RIN2: variants seen among roughly 807,000 people sequenced by gnomAD.
RIN2 encodes the protein RAB5 interacting protein 2.
A neutral mutation model predicts 78.0 loss-of-function variants in RIN2; 36 were observed. The ratio of observed to expected loss-of-function variants is 0.46; its 90% CI spans 0.35 to 0.61. RIN2 has a LOEUF of 0.61. RIN2 is among the 20% of genes least tolerant of loss of function. The pLI, the probability that RIN2 is intolerant of heterozygous loss-of-function variation, is 0.00. For missense variants in RIN2, 1,087 were observed against 1,159.7 expected (o/e 0.94, Z 0.91); for synonymous variants, 466 against 466.8 (o/e 1.00, Z 0.02).
chr20:19,886,621 T>C, intron 2 of RIN2: 1 of 824,588 alleles, frequency 1.2e-6, no homozygotes, highest in African/African-American at 1.9e-5. Flanking sequence ...TCTTTTTTTT[T>C]TTTTTTTTTT....
At chr20:19,930,309 G>A (rs2040392110) in intron 3 of RIN2, among the ~76,000 whole-genome samples, 1 of 152,210 alleles carries the variant, frequency 6.6e-6, no homozygotes, top group Non-Finnish European at 1.5e-5. Flanking sequence ...TGGCATGGGA[G>A]TGCCGCTAAG....
chr20:19,823,861 A>G (rs2036001288), intron 2 of RIN2: 2 of 1,605,984 alleles, frequency 1.2e-6, no homozygotes, highest in Admixed American at 1.7e-5. Flanking sequence ...CTTGGGGGCC[A>G]GGGCAGAAGT....
chr20:19,822,594 A>G (rs545911113), intron 2 of RIN2, among the ~76,000 whole-genome samples: 2 of 152,300 alleles, frequency 1.3e-5, no homozygotes, highest in East Asian at 3.9e-4. Flanking sequence ...TCTGCTAATG[A>G]CACCTATTCT....
At position 19,866,417 on chromosome 20, in the gene RIN2, A is replaced by C. The variant is rs545872270; in HGVS notation, c.-36-23149A>C. Among the ~76,000 whole-genome samples the C allele has an allele frequency of 7.9e-5, 12 of 152,302 alleles. No individual in the cohort carries two copies. In the South Asian group the frequency reaches 2.5e-3, roughly 32 times the overall value. ...AAGTTCAGAATTCTTGTAACCTCTG[A>C]AAAGAAAAAGGATATATGATAGACA... is the stretch of plus-strand genomic sequence containing the variant. On this transcript the variant is annotated intron_variant, in intron 2 of 12. Transcript: ENST00000255006.
intron 2 of RIN2, among the ~76,000 whole-genome samples, chr20:19,820,092 A>G (rs2035883951): frequency 6.6e-6 from 1 of 152,206 alleles, no homozygotes. Context: ...GCTCAAACAG[A>G]CAACTCAAAA....
chr20:19,961,383 T>C (rs1600956534), intron 6 of RIN2, among the ~76,000 whole-genome samples: 1 of 152,256 alleles, frequency 6.6e-6, no homozygotes, highest in South Asian at 2.1e-4. Context: ...TGTTCCACGA[T>C]TGGTCATTGG....
At chr20:19,863,876 C>T (rs1467336612) in intron 2 of RIN2, among the ~76,000 whole-genome samples, 2 of 152,080 alleles carry the variant, frequency 1.3e-5, no homozygotes, top group East Asian at 3.9e-4. Context: ...CTGTGTTCAT[C>T]TTCACACTGC....
intron 3 of RIN2, among the ~76,000 whole-genome samples, chr20:19,922,775 A>T (rs2039979008): frequency 6.6e-6 from 1 of 152,206 alleles, no homozygotes; most frequent in Non-Finnish European, 1.5e-5. Flanking sequence ...CCCAAAGACC[A>T]GTGTCCCCAG....
At chr20:19,924,104 C>A (rs2040054538) in intron 3 of RIN2, among the ~76,000 whole-genome samples, 1 of 120,890 alleles carries the variant, frequency 8.3e-6, no homozygotes, top group Non-Finnish European at 1.7e-5. Context: ...ACTTTCCATA[C>A]CCCTACCTTC....
intron 1 of RIN2, among the ~76,000 whole-genome samples, chr20:19,765,309 G>A (rs2033838745): frequency 6.6e-6 from 1 of 152,098 alleles, no homozygotes; most frequent in African/African-American, 2.4e-5. Flanking sequence ...CTTTTTCTGG[G>A]AAACCATGAC....
intron 2 of RIN2, among the ~76,000 whole-genome samples, chr20:19,857,524 G>C (rs2037205163): frequency 6.6e-6 from 1 of 152,178 alleles, no homozygotes; most frequent in African/African-American, 2.4e-5. Context: ...GGATTATAGA[G>C]CAAGCATAGA....
At chr20:19,824,172 T>C (rs1436309936) in intron 2 of RIN2, among the ~76,000 whole-genome samples, 1 of 152,214 alleles carries the variant, frequency 6.6e-6, no homozygotes, top group Non-Finnish European at 1.5e-5. Flanking sequence ...CAATGGCCTT[T>C]CCCTTTCCTT....
At chr20:19,818,317 T>C (rs142222906) in intron 2 of RIN2, among the ~76,000 whole-genome samples, 1,868 of 152,382 alleles carry the variant, frequency 0.012, 46 homozygotes, top group African/African-American at 0.043. Context: ...CTGTATTATA[T>C]TGTACTTTTC....
chr20:19,861,141 G>A (rs1156621598), intron 2 of RIN2, among the ~76,000 whole-genome samples: 1 of 152,160 alleles, frequency 6.6e-6, no homozygotes, highest in Non-Finnish European at 1.5e-5. Flanking sequence ...GTCCTGCTTT[G>A]ATCAGTCTCC....
At chr20:19,841,827 A>G (rs1600588187) in intron 2 of RIN2, among the ~76,000 whole-genome samples, 1 of 152,246 alleles carries the variant, frequency 6.6e-6, no homozygotes, top group East Asian at 1.9e-4. Flanking sequence ...ATGAGATTTA[A>G]GAAAAGAGGC....
At chr20:19,986,436 A>G (rs570654241) in intron 9 of RIN2, among the ~76,000 whole-genome samples, 8 of 152,250 alleles carry the variant, frequency 5.3e-5, no homozygotes, top group African/African-American at 1.9e-4. Flanking sequence ...ATCTACCACT[A>G]GCAATTACTT....
intron 3 of RIN2, among the ~76,000 whole-genome samples, chr20:19,913,330 T>TA (rs1401706016): frequency 6.6e-6 from 1 of 152,228 alleles, no homozygotes; most frequent in African/African-American, 2.4e-5. Flanking sequence ...TTAAGCACTT[T>TA]AGTGATGGTG....
intron 2 of RIN2, among the ~76,000 whole-genome samples, chr20:19,803,012 TTAAC>T (rs1166063725): frequency 6.6e-6 from 1 of 152,202 alleles, no homozygotes; most frequent in Non-Finnish European, 1.5e-5. Context: ...TAGAACTTCA[TTAAC>T]TAAATACAAT....
Position 19,810,864 on chromosome 20 carries a change from T to TTG in RIN2, c.-37+11131_-37+11132dup, listed in dbSNP as rs1217846818. On this transcript the variant is annotated intron_variant, in intron 2 of 12. Transcript: ENST00000255006. Reference sequence around the variant, plus strand: ...ACCCACCACCATGCCCGGCTAAATTTTGTGTGTGTGTGTGTTTTTTTTTTT... The same window carrying TTG: ...ACCCACCACCATGCCCGGCTAAATTTTGTGTGTGTGTGTGTGTTTTTTTTTTT... Among the ~76,000 whole-genome samples the TTG allele has an allele frequency of 7.1e-5, 10 of 140,454 alleles. No homozygotes were observed. The East Asian group carries it at 8.2e-4, about 12-fold the overall frequency. The allele number at this position is 140,454 out of a possible 152,430, so 92.1% of individuals were successfully genotyped here. A position where few individuals can be genotyped will look rare whatever the true frequency, so the allele number is the denominator to read the frequency against.
Sources: allele counts gnomAD v4.1 joint callset (sites outside exome capture counted in the v4.1 genomes callset), GRCh38; gene constraint gnomAD v4.1.1; transcripts MANE v1.5; gene names NCBI Gene and HGNC (gene_info 2026-07-23, HGNC 2026-07-21).